LYRM4: variants seen among roughly 807,000 people sequenced by gnomAD.
LYRM4 encodes the protein LYR motif-containing protein 4.
A neutral mutation model predicts 11.7 loss-of-function variants in LYRM4; 9 were observed. That is an observed-to-expected ratio of 0.77 (90% CI 0.46 to 1.34). The LOEUF is 1.34. LYRM4 is among the 40% of genes most tolerant of loss of function. LYRM4 has a pLI of 0.00. For synonymous variants in LYRM4, 42 were observed against 40.4 expected, an observed-to-expected ratio of 1.04 and a Z score of -0.15; for missense variants, 133 against 112.5, an observed-to-expected ratio of 1.18 and a Z score of -0.82.
In LYRM4 at chr6:5,260,908, C is replaced by G. The variant is rs542411654; in HGVS notation, c.-175G>C. ...CAGCCCTGCGGATCGCGGACGGCGC[C>G]AGGCGTCCCGCGCCGCTTCGGGGGC... On this transcript the variant is annotated 5_prime_UTR_variant, in exon 1 of 3. Coordinates refer to ENST00000330636, the MANE Select transcript of LYRM4 (RefSeq NM_020408.6). 4 of 1,378,364 alleles carry G rather than the reference C, an allele frequency of 2.9e-6. No homozygotes were observed. The highest frequency in any genetic ancestry group is 1.6e-5 in the South Asian group (1 of 61,982). The allele number at this position is 1,378,364 out of a possible 1,614,324, so 85.4% of individuals were successfully genotyped here. A position where few individuals can be genotyped will look rare whatever the true frequency, so the allele number is the denominator to read the frequency against.
intron 2 of LYRM4, among the ~76,000 whole-genome samples, chr6:5,213,050 C>T (rs964411103): frequency 5.3e-5 from 8 of 152,192 alleles, no homozygotes; most frequent in African/African-American, 1.9e-4. Context: ...AATGAATGAC[C>T]TCTGAGCAGA....
At chr6:5,230,543 T>A (rs1581560118) in intron 1 of LYRM4, among the ~76,000 whole-genome samples, 1 of 152,226 alleles carries the variant, frequency 6.6e-6, no homozygotes, top group Non-Finnish European at 1.5e-5. Context: ...AATTTTATTT[T>A]AAAATTATAG....
At chr6:5,089,503 T>C in the LYRM4 span, 1 of 152,234 alleles carries the variant, frequency 6.6e-6, no homozygotes, top group African/African-American at 2.4e-5. Flanking sequence ...TTGTGTCTAG[T>C]ATCCTTTAAA....
At chr6:5,244,329 T>C (rs1190390927) in intron 1 of LYRM4, among the ~76,000 whole-genome samples, 3 of 152,240 alleles carry the variant, frequency 2.0e-5, no homozygotes, top group African/African-American at 7.2e-5. Context: ...CTGCATTAAA[T>C]ATATTTTCAA....
chr6:5,237,278 A>T (rs1200937983), intron 1 of LYRM4, among the ~76,000 whole-genome samples: 1 of 152,040 alleles, frequency 6.6e-6, no homozygotes, highest in Non-Finnish European at 1.5e-5. Flanking sequence ...GTGGCATTAG[A>T]TTCTCATAGG....
intron 2 of LYRM4, among the ~76,000 whole-genome samples, chr6:5,111,308 C>T (rs111801406): frequency 0.024 from 3,642 of 152,306 alleles, 49 homozygotes; most frequent in Middle Eastern, 0.078. Context: ...TACCTGGGAG[C>T]TTGTTCTGTA....
chr6:5,086,454 C>G, the LYRM4 span: 1 of 1,536,860 alleles, frequency 6.5e-7, no homozygotes, highest in Non-Finnish European at 8.7e-7. Flanking sequence ...AGCGCGGCGT[C>G]GCGGTCCACT....
intron 2 of LYRM4, among the ~76,000 whole-genome samples, chr6:5,145,904 C>A (rs1192190631): frequency 6.6e-6 from 1 of 152,184 alleles, no homozygotes; most frequent in Non-Finnish European, 1.5e-5. Context: ...CCACTCCATT[C>A]CCCTTGGCTC....
chr6:5,116,967 C>T (rs533652053), intron 2 of LYRM4, among the ~76,000 whole-genome samples: 4 of 152,320 alleles, frequency 2.6e-5, no homozygotes, highest in Admixed American at 2.6e-4. Flanking sequence ...AGAAGCTGGG[C>T]GCAGTTGCCA....
chr6:5,179,721 C>T (rs1759961970), intron 2 of LYRM4, among the ~76,000 whole-genome samples: 1 of 152,178 alleles, frequency 6.6e-6, no homozygotes, highest in Admixed American at 6.5e-5. Context: ...ATGCAGCTAC[C>T]CACATAGGTG....
At chr6:5,118,003 C>T (rs393300) in intron 2 of LYRM4, among the ~76,000 whole-genome samples, 141,219 of 150,586 alleles carry the variant, frequency 0.94, 66,350 homozygotes, top group African/African-American at 0.99. Context: ...ATTTTTAAGA[C>T]ACTGCACTTT....
chr6:5,164,967 C>CAAA (rs34814956), intron 2 of LYRM4, among the ~76,000 whole-genome samples: 20 of 104,808 alleles, frequency 1.9e-4, no homozygotes, highest in South Asian at 3.5e-4. Flanking sequence ...GACTGTGTCT[C>CAAA]AAAAAAAAAA....
chr6:5,112,682 A>G (rs379511), intron 2 of LYRM4, among the ~76,000 whole-genome samples: 142,775 of 152,218 alleles, frequency 0.94, 67,090 homozygotes, highest in African/African-American at 0.99. Flanking sequence ...TAAATGACCT[A>G]GCATCTGGAA....
chr6:5,150,590 T>C (rs1201887951), intron 2 of LYRM4, among the ~76,000 whole-genome samples: 1 of 152,216 alleles, frequency 6.6e-6, no homozygotes, highest in Non-Finnish European at 1.5e-5. Flanking sequence ...ATAATTATTC[T>C]TTCTTTGTGG....
chr6:5,141,165 C>T (rs570645328), intron 2 of LYRM4, among the ~76,000 whole-genome samples: 21 of 152,204 alleles, frequency 1.4e-4, no homozygotes, highest in Non-Finnish European at 2.9e-4. Flanking sequence ...ACTGGCCCTT[C>T]ATAGGAATAA....
chr6:5,240,526 C>CCT (rs57721548), intron 1 of LYRM4: 126,297 of 152,022 alleles, frequency 0.83, 52,965 homozygotes, highest in African/African-American at 0.96. Context: ...TCTGTTTTAC[C>CCT]CTGTTTTAAA....
chr6:5,124,381 C>T (rs1763606806), intron 2 of LYRM4, among the ~76,000 whole-genome samples: 1 of 152,188 alleles, frequency 6.6e-6, no homozygotes, highest in Admixed American at 6.5e-5. Context: ...TGAGTCCAGC[C>T]TTACTTCCTA....
the LYRM4 span, among the ~76,000 whole-genome samples, chr6:5,062,511 C>A: frequency 6.6e-6 from 1 of 151,798 alleles, no homozygotes; most frequent in Non-Finnish European, 1.5e-5. Flanking sequence ...CTGCATTTTT[C>A]TTCCACATCA....
chr6:5,062,081 C>CTTTTT, the LYRM4 span, among the ~76,000 whole-genome samples: 21 of 117,276 alleles, frequency 1.8e-4, no homozygotes, highest in East Asian at 4.8e-4. Context: ...CTTCCTTCTT[C>CTTTTT]TTTTTTTTTT....
Sources: allele counts gnomAD v4.1 joint callset (sites outside exome capture counted in the v4.1 genomes callset), GRCh38; gene constraint gnomAD v4.1.1; transcripts MANE v1.5; gene names NCBI Gene and HGNC (gene_info 2026-07-23, HGNC 2026-07-21).